Variants in XYLT1 observed in about 807,000 individuals in gnomAD.
XYLT1 encodes xylosyltransferase 1.
In XYLT1, 36 loss-of-function variants were observed where a neutral mutation model predicts 91.3. That is an observed-to-expected ratio of 0.39 (90% confidence interval 0.30 to 0.52). XYLT1 has a LOEUF of 0.52. Ranked by LOEUF, XYLT1 falls within the 20% of genes least tolerant of loss-of-function variation. The probability of loss-of-function intolerance (pLI) is 0.68; values close to 1 mark genes in which losing one functional copy is unlikely to be tolerated. For missense variants in XYLT1, 1,242 were observed against 1,284.5 expected (o/e 0.97, Z 0.51); for synonymous variants, 588 against 532.0 (o/e 1.11, Z -1.45).
At chr16:17,208,617 A>G (rs2032701033) in intron 3 of XYLT1, among the ~76,000 whole-genome samples, 1 of 152,138 alleles carries the variant, frequency 6.6e-6, no homozygotes. Flanking sequence ...TATGTATAGA[A>G]TTTTCCGCTT....
At chr16:17,198,669 AGGCTT>A (rs1406621393) in intron 4 of XYLT1, among the ~76,000 whole-genome samples, 1 of 152,216 alleles carries the variant, frequency 6.6e-6, no homozygotes, top group Non-Finnish European at 1.5e-5. Context: ...ATGGTTCACT[AGGCTT>A]GGGCTGGTGG....
intron 1 of XYLT1, among the ~76,000 whole-genome samples, chr16:17,369,126 ACTT>A (rs1394927732): frequency 3.5e-5 from 5 of 141,692 alleles, no homozygotes; most frequent in East Asian, 2.0e-4. Flanking sequence ...GCACAAAAAT[ACTT>A]CTTTTTTTTT....
Position 17,198,397 on chromosome 16 carries a change from A to G in XYLT1, c.1104T>C (p.His368=). Residue 368 remains histidine (H), a synonymous_variant, in exon 5 of 12, where the codon CAT becomes CAC. Coordinates refer to ENST00000261381, the MANE Select transcript of XYLT1 (RefSeq NM_022166.4). The stretch of plus-strand genomic sequence containing the variant: ...GCCTGGAGACCTGGAGCACTTGCCG[A>G]TGCAGGTAATTAGAGCGCTTTTCCC... The part of the protein sequence containing the change: ...IHVDKRSNYL[H]RQVLQVSRQY... The G allele has an allele frequency of 6.2e-7, 1 of 1,614,128 alleles. No homozygotes were observed. Among genetic ancestry groups the G allele is most frequent in the Admixed American group, 1.7e-5 (1 of 60,022 alleles).
At chr16:17,141,011 C>T in intron 7 of XYLT1, 142 bp downstream of exon 7, 1 of 823,172 alleles carries the variant, frequency 1.2e-6, no homozygotes, top group Non-Finnish European at 2.0e-6. Context: ...AGGCATCCTG[C>T]TAAGACAGCA....
chr16:17,119,057 A>G (rs541634354), intron 10 of XYLT1, among the ~76,000 whole-genome samples: 2 of 152,302 alleles, frequency 1.3e-5, no homozygotes, highest in South Asian at 2.1e-4. Context: ...GATAAGCACT[A>G]TCTCAGAGTT....
chr16:17,117,736 C>G lies in XYLT1; in HGVS notation c.2467G>C (p.Val823Leu). Residue 823 changes from valine to leucine, a missense_variant, in exon 11 of 12, where the codon GTG becomes CTG. By Grantham distance (32) the Val-to-Leu change is conservative. Coordinates refer to ENST00000261381, the MANE Select transcript of XYLT1 (RefSeq NM_022166.4). ...GGCACCCAGTGGTGGAGAATTTTCA[C>G]TGTCCAGACCCCAGGCCTCAGGGGC... is the stretch of plus-strand genomic sequence containing the variant. ...NLPLRPGVWT[V>L]KILHHWVPVA... The G allele has an allele frequency of 6.2e-7, 1 of 1,614,228 alleles. No homozygotes were observed.
chr16:17,272,004 C>G (rs1405909770), intron 2 of XYLT1, among the ~76,000 whole-genome samples: 1 of 151,980 alleles, frequency 6.6e-6, no homozygotes, highest in Admixed American at 6.6e-5. Context: ...CTGGGGTGAC[C>G]AGGGAGAAAT....
At chr16:17,158,693 G>C (rs920745440) in intron 6 of XYLT1, 136 bp downstream of exon 6, 11 of 861,482 alleles carry the variant, frequency 1.3e-5, no homozygotes, top group Non-Finnish European at 2.1e-5. Context: ...CAGACACAGC[G>C]AAGGACAGCT....
intron 1 of XYLT1, among the ~76,000 whole-genome samples, chr16:17,378,346 A>G (rs955408848): frequency 3.9e-5 from 6 of 152,302 alleles, no homozygotes; most frequent in Admixed American, 2.0e-4. Flanking sequence ...CACCTTTTAA[A>G]TAATATACAC....
rs2034562608 is a variant in XYLT1, at chr16:17,312,240, G to C, written c.402+45772C>G. 6.6e-6 allele frequency among the ~76,000 whole-genome samples: 1 copy of C among 152,162 alleles called. No individual in the cohort carries two copies. Among genetic ancestry groups the C allele is most frequent in the African/African-American group, 2.4e-5 (1 of 41,436 alleles). Reference sequence around the variant, plus strand: ...GGGTGACTCATCTGCTGTGCCCAGAGCTCAGGCCAGGTAGGAGGGAGATCC... The same window carrying C: ...GGGTGACTCATCTGCTGTGCCCAGACCTCAGGCCAGGTAGGAGGGAGATCC... On this transcript the variant is annotated intron_variant, in intron 2 of 11. Transcript: ENST00000261381. The surrounding 1 kb of genome is among the most constrained non-coding windows in gnomAD (Gnocchi z 4.4).
At chr16:17,366,721 AACCTT>A (rs929959726) in intron 1 of XYLT1, among the ~76,000 whole-genome samples, 4 of 152,010 alleles carry the variant, frequency 2.6e-5, no homozygotes, top group African/African-American at 9.7e-5. Flanking sequence ...CAAACAAACC[AACCTT>A]ACAAGAACTC....
Position 17,108,221 on chromosome 16 carries a change from T to C in XYLT1, c.*474A>G, listed in dbSNP as rs148540202. The C allele has an allele frequency of 1.3e-5, 2 of 154,598 alleles. No homozygotes were observed. Among genetic ancestry groups the C allele is most frequent in the African/African-American group, 2.4e-5 (1 of 41,662 alleles). 9.6% of individuals were successfully genotyped at this position (154,598 alleles called of 1,614,324 possible). Reference sequence around the variant, plus strand: ...GGTTCTGAAGAGGTACCGTAGGAGATACCCTGGGCAAGGGGACCGCCCAGA... The same window carrying C: ...GGTTCTGAAGAGGTACCGTAGGAGACACCCTGGGCAAGGGGACCGCCCAGA... On this transcript the variant is annotated 3_prime_UTR_variant, in exon 12 of 12. Transcript: ENST00000261381.
At chr16:17,155,073 C>G (rs1041279935) in intron 6 of XYLT1, among the ~76,000 whole-genome samples, 1 of 152,182 alleles carries the variant, frequency 6.6e-6, no homozygotes, top group South Asian at 2.1e-4. Flanking sequence ...TCAAGAGAAG[C>G]AGAGTAGCTG....
rs1272127217 is a variant in XYLT1 at position 17,337,768 on chromosome 16, A to AATTTTTCTTTTTTTTTTTTTTTTTT, written c.402+20243_402+20244insAAAAAAAAAAAAAAAAAAGAAAAAT. On this transcript the variant is annotated intron_variant, in intron 2 of 11. Transcript: ENST00000261381. ...CTGAGTCCTACTTTGTCTGTTCCAC[A>AATTTTTCTTTTTTTTTTTTTTTTTT]TTTTTTCTTTTTCTTTTTTTTTTTT... 6.8e-5 allele frequency among the ~76,000 whole-genome samples: 7 copies of AATTTTTCTTTTTTTTTTTTTTTTTT among 102,552 alleles called. 2 individuals carry two copies. The highest frequency in any genetic ancestry group is 1.0e-4 in the Non-Finnish European group (5 of 49,812). 67.3% of individuals were successfully genotyped at this position (102,552 alleles called of 152,430 possible). A position where few individuals can be genotyped will look rare whatever the true frequency, so the allele number is the denominator to read the frequency against.
At chr16:17,313,949 A>T (rs1015508651) in intron 2 of XYLT1, among the ~76,000 whole-genome samples, 1 of 152,228 alleles carries the variant, frequency 6.6e-6, no homozygotes, top group Non-Finnish European at 1.5e-5. Context: ...CAGTTGCCTC[A>T]GACAGGCCAG....
At chr16:17,131,893 T>A (rs563765443) in intron 9 of XYLT1, among the ~76,000 whole-genome samples, 10 of 152,276 alleles carry the variant, frequency 6.6e-5, no homozygotes, top group Non-Finnish European at 1.5e-4. Context: ...ATTTTCAGGC[T>A]CCTATTCATA....
chr16:17,222,681 T>A (rs1567329634), intron 3 of XYLT1, among the ~76,000 whole-genome samples: 1 of 151,138 alleles, frequency 6.6e-6, no homozygotes, highest in African/African-American at 2.4e-5. Context: ...TCCCAGCTAC[T>A]TGGGAGGCTG....
chr16:17,347,518 C>A (rs1031188336), intron 2 of XYLT1, among the ~76,000 whole-genome samples: 2 of 152,174 alleles, frequency 1.3e-5, no homozygotes, highest in African/African-American at 4.8e-5. Flanking sequence ...TTTTGGGGGA[C>A]AGTTTTCACA....
chr16:17,347,612 GTCCCATGGTC>G (rs1411830198), intron 2 of XYLT1, among the ~76,000 whole-genome samples: 1 of 152,186 alleles, frequency 6.6e-6, no homozygotes, highest in East Asian at 1.9e-4. Context: ...GAGCTTCACT[GTCCCATGGTC>G]TCCATTCTGG....
Sources: gnomAD v4.1 joint callset for allele counts (sites outside exome capture counted in the v4.1 genomes callset) on GRCh38, gnomAD v4.1.1 for gene constraint, Gnocchi (gnomAD v3.1) non-coding constraint, MANE v1.5 for transcripts, NCBI Gene and HGNC (gene_info 2026-07-23, HGNC 2026-07-21) for gene names.